CCNYL1: variants seen among roughly 807,000 people sequenced by gnomAD.
CCNYL1 encodes cyclin Y like 1.
A neutral mutation model predicts 44.2 loss-of-function variants in CCNYL1; 16 were observed. The observed-to-expected ratio is 0.36, with a 90% CI of 0.25 to 0.55. CCNYL1 has a LOEUF of 0.55. Ranked by LOEUF, CCNYL1 falls within the 20% of genes least tolerant of loss-of-function variation. The pLI is 0.85. For synonymous variants in CCNYL1, 159 were observed against 163.2 expected (o/e 0.97, Z 0.20); for missense variants, 348 against 451.8 (o/e 0.77, Z 2.08).
intron 1 of CCNYL1, among the ~76,000 whole-genome samples, chr2:207,723,428 C>T (rs2091655961): frequency 6.6e-6 from 1 of 152,056 alleles, no homozygotes. Flanking sequence ...TTGTAAGAGC[C>T]AGGGATAGAG....
chr2:207,711,780 A>G lies in CCNYL1; in HGVS notation c.-117A>G. 3.2e-6 allele frequency: 2 copies of G among 616,880 alleles called. No homozygotes were observed. The highest frequency in any genetic ancestry group is 4.9e-6 in the Non-Finnish European group (2 of 412,118). The allele number at this position is 616,880 out of a possible 1,614,324, so 38.2% of individuals were successfully genotyped here. On this transcript the variant is annotated 5_prime_UTR_variant, in exon 1 of 10. Coordinates refer to ENST00000295414, the MANE Select transcript of CCNYL1 (RefSeq NM_001330218.2). ...GCGTCTGCTTGCGCGGTGCAGCCCC[A>G]GCGTAGCCCGGGGCTGCCGGTGCCG...
intron 1 of CCNYL1, among the ~76,000 whole-genome samples, chr2:207,714,178 A>T (rs994454500): frequency 2.0e-5 from 3 of 152,160 alleles, no homozygotes; most frequent in Non-Finnish European, 2.9e-5. Context: ...TTCAGTTCTT[A>T]AAAAACTTTT....
chr2:207,727,013 T>C (rs2091684814), intron 3 of CCNYL1, 137 bp downstream of exon 3: 1 of 553,732 alleles, frequency 1.8e-6, no homozygotes, highest in Admixed American at 3.4e-5. Context: ...TCATTTCTAT[T>C]TTGCTGAGAA....
In CCNYL1 at chr2:207,756,129, TTCTC is replaced by T. The variant is rs1487870763; in HGVS notation, c.*2432_*2435del. ...ATGCTACAATTTATGTGGTTTTTAT[TTCTC>T]ATGTTTATATTAAAAGCTAATAAAC... On this transcript the variant is annotated 3_prime_UTR_variant, in exon 10 of 10. Transcript: ENST00000295414. 1 of 152,218 alleles carries T rather than the reference TTCTC, an allele frequency of 6.6e-6. No individual in the cohort carries two copies. Among genetic ancestry groups the T allele is most frequent in the East Asian group, 1.9e-4 (1 of 5,200 alleles). 9.4% of individuals were successfully genotyped at this position (152,218 alleles called of 1,614,324 possible). A position where few individuals can be genotyped will look rare whatever the true frequency, so the allele number is the denominator to read the frequency against.
chr2:207,752,255 G>A (rs1575226466), intron 9 of CCNYL1, among the ~76,000 whole-genome samples: 1 of 152,098 alleles, frequency 6.6e-6, no homozygotes, highest in African/African-American at 2.4e-5. Flanking sequence ...AATGCTGGAT[G>A]TAAGTGGTAG....
chr2:207,728,400 C>T (rs1388418397), intron 3 of CCNYL1, among the ~76,000 whole-genome samples: 4 of 152,046 alleles, frequency 2.6e-5, no homozygotes, highest in South Asian at 2.1e-4. Flanking sequence ...CTCAGCCTTC[C>T]GAGTAACTGG....
At chr2:207,719,811 C>T (rs1360094400) in intron 1 of CCNYL1, among the ~76,000 whole-genome samples, 3 of 152,026 alleles carry the variant, frequency 2.0e-5, no homozygotes, top group Non-Finnish European at 2.9e-5. Context: ...TCACTGCAGC[C>T]TCCACTTCCT....
In CCNYL1 at chr2:207,742,262, G is replaced by A. The variant is rs779825791; in HGVS notation, c.559G>A (p.Glu187Lys). The change falls in exon 7 of 10, where the codon GAG becomes AAG. Residue 187 changes from glutamate to lysine, a missense_variant. Transcript: ENST00000295414. The part of the protein sequence containing the change: ...VPEEYFKHDP[E>K]HKFIYRFVRT... ...AGAGGAATACTTTAAGCATGATCCT[G>A]AGCACAAATTTATTTACAGATTTGT... 6.2e-6 allele frequency: 10 copies of A among 1,612,260 alleles called. No homozygotes were observed. Among genetic ancestry groups the A allele is most frequent in the Non-Finnish European group, 8.5e-6 (10 of 1,179,644 alleles).
chr2:207,715,018 C>T (rs1318776576), intron 1 of CCNYL1, among the ~76,000 whole-genome samples: 1 of 152,132 alleles, frequency 6.6e-6, no homozygotes, highest in Non-Finnish European at 1.5e-5. Flanking sequence ...GCCTGTAATC[C>T]CAGCACTTCG....
chr2:207,726,110 C>T (rs1227966396), intron 2 of CCNYL1, among the ~76,000 whole-genome samples: 1 of 152,164 alleles, frequency 6.6e-6, no homozygotes, highest in East Asian at 1.9e-4. Context: ...CTATCCCATG[C>T]TCCTCTTTCT....
At position 207,724,903 on chromosome 2, in the gene CCNYL1, G is replaced by C; in HGVS notation, c.295+29G>C. The C allele has an allele frequency of 2.0e-6, 3 of 1,523,334 alleles. No individual in the cohort carries two copies. The South Asian group carries it at 3.5e-5, about 18-fold the overall frequency. The allele number at this position is 1,523,334 out of a possible 1,614,324, so 94.4% of individuals were successfully genotyped here. ...AGACAATACTGTTTTTTCCTTCCAA[G>C]GAAAAGACTGAAAACTGTTTCTATT... On this transcript the variant is annotated intron_variant, in intron 2 of 9. Transcript: ENST00000295414.
At chr2:207,713,194 C>T (rs972385974) in intron 1 of CCNYL1, among the ~76,000 whole-genome samples, 14 of 152,224 alleles carry the variant, frequency 9.2e-5, no homozygotes, top group African/African-American at 3.4e-4. Flanking sequence ...TCCAGCCATT[C>T]TCCGGTGACT....
At chr2:207,748,843 C>T (rs1247244765) in intron 8 of CCNYL1, among the ~76,000 whole-genome samples, 1 of 152,164 alleles carries the variant, frequency 6.6e-6, no homozygotes, top group African/African-American at 2.4e-5. Context: ...TGCTGGTAGC[C>T]GTTTTAGCAA....
At chr2:207,723,654 T>C (rs2091657988) in intron 1 of CCNYL1, among the ~76,000 whole-genome samples, 1 of 151,996 alleles carries the variant, frequency 6.6e-6, no homozygotes, top group African/African-American at 2.4e-5. Context: ...GGTGGGTGGA[T>C]CACCTGGGGT....
chr2:207,723,927 T>A (rs1004495738), intron 1 of CCNYL1, among the ~76,000 whole-genome samples: 1 of 152,062 alleles, frequency 6.6e-6, no homozygotes, highest in Admixed American at 6.6e-5. Context: ...AGATTTTTAT[T>A]TTTTCCCCTC....
chr2:207,753,453 A>G (rs1457834820), intron 9 of CCNYL1, 135 bp from the exon 10 acceptor site: 2 of 592,536 alleles, frequency 3.4e-6, no homozygotes, highest in East Asian at 2.7e-5. Context: ...CTGGCAGTGT[A>G]AAACTCAGCC....
chr2:207,721,734 G>GTTTTTT (rs59024332), intron 1 of CCNYL1, among the ~76,000 whole-genome samples: 2 of 141,150 alleles, frequency 1.4e-5, no homozygotes. Flanking sequence ...GGAGTTTTTT[G>GTTTTTT]TTTTTTTTTT....
chr2:207,737,310 G>C, intron 4 of CCNYL1, 101 bp from the exon 5 acceptor site: 1 of 837,294 alleles, frequency 1.2e-6, no homozygotes. Flanking sequence ...GGATTTCAGG[G>C]CCGCTAGGAG....
Position 207,734,002 on chromosome 2 carries a change from A to G in CCNYL1, c.386A>G (p.Asp129Gly), listed in dbSNP as rs960882544. The change falls in exon 4 of 10, where the codon GAT (aspartate) becomes GGT (glycine). Residue 129 changes from aspartate (D) to glycine (G), a missense_variant. Asp to Gly is a moderately conservative substitution (Grantham distance 94). Coordinates refer to ENST00000295414, the MANE Select transcript of CCNYL1 (RefSeq NM_001330218.2). ...AGCTCATGCTCAACAATATTTCTAG[A>G]TGACAGCACAGTCAGCCAGCCTAAT... ...KYSSCSTIFL[D>G]DSTVSQPNLR... 8 of 1,613,684 alleles carry G rather than the reference A, an allele frequency of 5.0e-6. No homozygotes were observed. Among genetic ancestry groups the G allele is most frequent in the African/African-American group, 1.3e-5 (1 of 74,916 alleles).
Sources: allele counts gnomAD v4.1 joint callset (sites outside exome capture counted in the v4.1 genomes callset), GRCh38; gene constraint gnomAD v4.1.1; transcripts MANE v1.5; gene names NCBI Gene and HGNC (gene_info 2026-07-23, HGNC 2026-07-21).